The following SV2C variants were observed in gnomAD, a reference collection of about 807,000 sequenced individuals.
SV2C encodes the protein synaptic vesicle glycoprotein 2C.
Under a neutral mutation model 79.7 loss-of-function variants are expected in SV2C, and 49 were observed. The observed-to-expected ratio is 0.61, with a 90% confidence interval of 0.49 to 0.78. The LOEUF (loss-of-function observed/expected upper bound fraction) is 0.78, where lower values mean the gene tolerates loss of function less well. SV2C is among the 30% of genes least tolerant of loss of function. The pLI, the probability that SV2C is intolerant of heterozygous loss-of-function variation, is 0.00. For missense variants in SV2C, 833 were observed against 912.9 expected, an observed-to-expected ratio of 0.91 and a Z score of 1.13; for synonymous variants, 334 against 333.2, an observed-to-expected ratio of 1.00 and a Z score of -0.03.
chr5:76,317,710 G>A (rs868069046), intron 12 of SV2C, among the ~76,000 whole-genome samples: 24 of 152,130 alleles, frequency 1.6e-4, no homozygotes, highest in Admixed American at 2.0e-4. Flanking sequence ...CACATTTGTG[G>A]TCCTAGCTAC....
chr5:75,997,308 G>A, the SV2C span, among the ~76,000 whole-genome samples: 2 of 152,098 alleles, frequency 1.3e-5, no homozygotes, highest in Admixed American at 1.3e-4. Flanking sequence ...AACACCAAAA[G>A]CAATGGACAA....
At chr5:76,182,591 A>G (rs1743769022) in intron 2 of SV2C, among the ~76,000 whole-genome samples, 1 of 152,132 alleles carries the variant, frequency 6.6e-6, no homozygotes, top group Admixed American at 6.5e-5. Context: ...AGATGAAAGG[A>G]AGCACACACT....
In SV2C at chr5:76,285,243, C is replaced by T. The variant is rs149463986; in HGVS notation, c.995C>T (p.Ser332Phe). ...ATCGTCTGTGCACTCCCCTGTGTCT[C>T]CTCCGTGGTGGCCCTCACATTCATG... The part of the protein sequence containing the change: ...FVIVCALPCV[S>F]SVVALTFMPE... Residue 332 changes from serine (S) to phenylalanine (F), a missense_variant, in exon 5 of 13, where the codon TCC becomes TTC. Coordinates refer to ENST00000502798, the MANE Select transcript of SV2C (RefSeq NM_014979.4). 9,251 of 1,614,184 alleles carry T rather than the reference C, an allele frequency of 5.7e-3. 46 individuals are homozygous for T. The highest frequency in any genetic ancestry group is 0.012 in the Middle Eastern group (70 of 6,062).
At chr5:76,351,837 CT>C (rs2112592762) in intron 12 of SV2C, among the ~76,000 whole-genome samples, 1 of 152,292 alleles carries the variant, frequency 6.6e-6, no homozygotes, top group South Asian at 2.1e-4. Context: ...GCATGGCAAG[CT>C]CAGTGCATGC....
At chr5:76,081,399 C>A (rs746159325), upstream of SV2C, among the ~76,000 whole-genome samples, 1 of 152,094 alleles carries the variant, frequency 6.6e-6, no homozygotes, top group South Asian at 2.1e-4. Context: ...AAATAACATG[C>A]GGGGAATCCA....
chr5:76,155,807 C>T (rs963593402), intron 2 of SV2C, among the ~76,000 whole-genome samples: 1 of 151,874 alleles, frequency 6.6e-6, no homozygotes, highest in East Asian at 1.9e-4. Flanking sequence ...TCTCCATCTG[C>T]AGTTCTAGAG....
At chr5:76,071,769 G>A in the SV2C span, among the ~76,000 whole-genome samples, 3 of 152,224 alleles carry the variant, frequency 2.0e-5, no homozygotes, top group African/African-American at 7.2e-5. Flanking sequence ...AAAGCTGAGT[G>A]TTAGAACACT....
intron 6 of SV2C, 133 bp from the exon 7 acceptor site, chr5:76,291,088 G>A: frequency 1.7e-6 from 1 of 574,182 alleles, no homozygotes; most frequent in East Asian, 3.0e-5. Context: ...TCTCATATAT[G>A]TATGAACTGA....
rs73764326 is a variant in SV2C at position 76,331,735 on chromosome 5, C to T, written c.*6188C>T. 0.08 allele frequency: 12,195 copies of T among 152,402 alleles called. 910 individuals carry two copies. Among genetic ancestry groups the T allele is most frequent in the African/African-American group, 0.19 (8,042 of 41,508 alleles). The allele number at this position is 152,402 out of a possible 1,614,324, so 9.4% of individuals were successfully genotyped here. A position where few individuals can be genotyped will look rare whatever the true frequency, so the allele number is the denominator to read the frequency against. On this transcript the variant is annotated 3_prime_UTR_variant, in exon 13 of 13. Transcript: ENST00000502798. ...ATTCTAGCAGTGTACAAAAGCAAGG[C>T]CAAGCTTTCCTGGGGCACTTGGGAT...
At chr5:76,302,454 G>A (rs560610020) in intron 12 of SV2C, among the ~76,000 whole-genome samples, 8 of 151,754 alleles carry the variant, frequency 5.3e-5, no homozygotes, top group Non-Finnish European at 7.4e-5. Flanking sequence ...GTGAAACCCC[G>A]TCTCTACTAA....
At chr5:75,880,137 C>G in the SV2C span, among the ~76,000 whole-genome samples, 1 of 151,764 alleles carries the variant, frequency 6.6e-6, no homozygotes, top group African/African-American at 2.4e-5. Context: ...GCCTCTGGAC[C>G]TGTTATGGGA....
At chr5:76,032,477 T>A in the SV2C span, among the ~76,000 whole-genome samples, 3 of 152,028 alleles carry the variant, frequency 2.0e-5, no homozygotes, top group Non-Finnish European at 4.4e-5. Flanking sequence ...AATTCCCACC[T>A]ATGAGTGAGA....
In SV2C at chr5:76,170,437, T is replaced by C. The variant is rs1270388686; in HGVS notation, c.581-24482T>C. On this transcript the variant is annotated intron_variant, in intron 2 of 12. Coordinates refer to ENST00000502798, the MANE Select transcript of SV2C (RefSeq NM_014979.4). ...AAACCTGTATATTTGGTATTGCAAA[T>C]ACACTTATGCATGAGCAAGCAAGGG... is the stretch of plus-strand genomic sequence containing the variant. 2.1e-4 allele frequency among the ~76,000 whole-genome samples: 24 copies of C among 116,940 alleles called. No individual in the cohort carries two copies. In the Admixed American group the frequency reaches 2.4e-3, roughly 12 times the overall value. The allele number at this position is 116,940 out of a possible 152,430, so 76.7% of individuals were successfully genotyped here. A position where few individuals can be genotyped will look rare whatever the true frequency, so the allele number is the denominator to read the frequency against.
the SV2C span, among the ~76,000 whole-genome samples, chr5:75,961,128 G>C: frequency 1.3e-5 from 2 of 151,930 alleles, no homozygotes; most frequent in African/African-American, 4.8e-5. Flanking sequence ...CTTCTACCTT[G>C]CCAATATATT....
intron 2 of SV2C, among the ~76,000 whole-genome samples, chr5:76,189,036 G>T (rs532301604): frequency 3.2e-4 from 48 of 152,156 alleles, no homozygotes; most frequent in Non-Finnish European, 5.1e-4. Flanking sequence ...GAAAGGAAAG[G>T]CTGGGCCAAC....
the SV2C span, among the ~76,000 whole-genome samples, chr5:75,849,431 A>G: frequency 6.6e-6 from 1 of 152,240 alleles, no homozygotes; most frequent in Admixed American, 6.5e-5. Context: ...CTATAAAGCA[A>G]TACCTTTATA....
intron 6 of SV2C, among the ~76,000 whole-genome samples, chr5:76,289,847 C>G (rs963953028): frequency 3.9e-5 from 6 of 152,364 alleles, no homozygotes; most frequent in African/African-American, 1.4e-4. Context: ...AAGCCTCTCT[C>G]TCACTTCCAG....
At chr5:75,876,256 A>G in the SV2C span, among the ~76,000 whole-genome samples, 1 of 152,136 alleles carries the variant, frequency 6.6e-6, no homozygotes, top group Non-Finnish European at 1.5e-5. Context: ...TAATGAGATC[A>G]TGTCTTTTTT....
chr5:76,109,811 C>G (rs556890461), intron 1 of SV2C, among the ~76,000 whole-genome samples: 1 of 152,280 alleles, frequency 6.6e-6, no homozygotes, highest in African/African-American at 2.4e-5. Flanking sequence ...ACCTTCATTT[C>G]AGACTTTTAG....
Sources: gnomAD v4.1 joint callset for allele counts (sites outside exome capture counted in the v4.1 genomes callset) on GRCh38, gnomAD v4.1.1 for gene constraint, MANE v1.5 for transcripts, NCBI Gene and HGNC (gene_info 2026-07-23, HGNC 2026-07-21) for gene names.